Variants in GALNT13 observed in about 807,000 individuals in gnomAD.
GALNT13 encodes the protein UDP-GalNAc:polypeptide N-acetylgalactosaminyltransferase 13.
GALNT13 carries 28 observed loss-of-function variants against 64.2 expected under a neutral mutation model. That is an observed-to-expected ratio of 0.44 (90% CI 0.32 to 0.60). The LOEUF is 0.60. Ranked by LOEUF, GALNT13 falls within the 20% of genes least tolerant of loss-of-function variation. The pLI is 0.05. For synonymous variants in GALNT13, 214 were observed against 224.6 expected, an observed-to-expected ratio of 0.95 and a Z score of 0.42; for missense variants, 577 against 669.8, an observed-to-expected ratio of 0.86 and a Z score of 1.53.
the GALNT13 span, among the ~76,000 whole-genome samples, chr2:153,199,688 G>A: frequency 6.6e-6 from 1 of 152,078 alleles, no homozygotes; most frequent in South Asian, 2.1e-4. Flanking sequence ...TATAAGATAC[G>A]ATTGGAAGAT....
chr2:153,197,737 G>C, the GALNT13 span, among the ~76,000 whole-genome samples: 5 of 152,304 alleles, frequency 3.3e-5, no homozygotes, highest in Admixed American at 3.3e-4. Context: ...CTGCTTGGGA[G>C]GACAGAGTTT....
chr2:153,770,169 C>CA, the GALNT13 span, among the ~76,000 whole-genome samples: 11 of 130,270 alleles, frequency 8.4e-5, no homozygotes, highest in African/African-American at 3.1e-4. Flanking sequence ...CCCACCCCCC[C>CA]GCCCCCCCAC....
the GALNT13 span, among the ~76,000 whole-genome samples, chr2:153,130,325 C>CA: frequency 4.9e-4 from 75 of 152,258 alleles, no homozygotes; most frequent in African/African-American, 1.8e-3. Flanking sequence ...CACTCAAAGT[C>CA]AGAGTCAAGT....
chr2:153,475,660 A>T, the GALNT13 span, among the ~76,000 whole-genome samples: 1 of 152,172 alleles, frequency 6.6e-6, no homozygotes. Context: ...CTGAAACTCT[A>T]AGCATGTGCC....
chr2:153,970,938 A>G (rs115597726), intron 3 of GALNT13, among the ~76,000 whole-genome samples: 141 of 152,266 alleles, frequency 9.3e-4, no homozygotes, highest in African/African-American at 3.2e-3. Flanking sequence ...TAGCTCCCCA[A>G]TACTCAGAGT....
the GALNT13 span, among the ~76,000 whole-genome samples, chr2:153,551,992 T>C: frequency 6.6e-6 from 1 of 151,504 alleles, no homozygotes; most frequent in Non-Finnish European, 1.5e-5. Flanking sequence ...AAAGGAGAGG[T>C]TGGTATGGTA....
chr2:153,877,344 AT>A (rs1273166303), intron 1 of GALNT13, among the ~76,000 whole-genome samples: 1 of 152,138 alleles, frequency 6.6e-6, no homozygotes, highest in African/African-American at 2.4e-5. Context: ...TTAAGCTCTT[AT>A]ACAACATTTT....
At chr2:154,138,999 A>T (rs575695547) in intron 3 of GALNT13, among the ~76,000 whole-genome samples, 2 of 152,066 alleles carry the variant, frequency 1.3e-5, no homozygotes, top group Admixed American at 6.6e-5. Flanking sequence ...GAAATTGAAT[A>T]CATATTTTTT....
At chr2:154,154,621 A>T (rs1188418628) in intron 4 of GALNT13, among the ~76,000 whole-genome samples, 2 of 152,156 alleles carry the variant, frequency 1.3e-5, no homozygotes, top group African/African-American at 4.8e-5. Flanking sequence ...TGTCCAGGAC[A>T]ATGGCCTAAG....
the GALNT13 span, among the ~76,000 whole-genome samples, chr2:153,566,417 C>T: frequency 0.92 from 135,868 of 147,362 alleles, 62,675 homozygotes; most frequent in Admixed American, 0.93. Context: ...TGCAGTGGCG[C>T]GATCTCAGCT....
At chr2:153,575,774 G>T in the GALNT13 span, among the ~76,000 whole-genome samples, 5 of 152,204 alleles carry the variant, frequency 3.3e-5, no homozygotes, top group South Asian at 1.0e-3. Context: ...GCCCAGGGCA[G>T]GTCCAGAAAT....
chr2:154,151,181 T>G (rs2105621688), intron 4 of GALNT13, among the ~76,000 whole-genome samples: 1 of 152,344 alleles, frequency 6.6e-6, no homozygotes, highest in Middle Eastern at 3.4e-3. Flanking sequence ...CTTCATTTCT[T>G]TATGTATCCA....
the GALNT13 span, among the ~76,000 whole-genome samples, chr2:153,751,772 T>C: frequency 6.6e-6 from 1 of 151,946 alleles, no homozygotes. Flanking sequence ...CTTGTTTTTT[T>C]TTCATTCACT....
At chr2:154,293,278 G>T (rs1692743096) in intron 8 of GALNT13, among the ~76,000 whole-genome samples, 1 of 152,042 alleles carries the variant, frequency 6.6e-6, no homozygotes, top group Non-Finnish European at 1.5e-5. Flanking sequence ...TAATTTCAGG[G>T]AATAAAATGC....
At chr2:154,166,898 G>A (rs542589026) in intron 4 of GALNT13, among the ~76,000 whole-genome samples, 574 of 151,660 alleles carry the variant, frequency 3.8e-3, no homozygotes, top group African/African-American at 0.013. Context: ...AACACCGCAT[G>A]TTCTCACTCA....
intron 9 of GALNT13, among the ~76,000 whole-genome samples, chr2:154,392,278 C>T (rs969771633): frequency 6.6e-6 from 1 of 152,042 alleles, no homozygotes; most frequent in Admixed American, 6.6e-5. Context: ...TTCATCTCTT[C>T]AACTGACCAA....
intron 4 of GALNT13, among the ~76,000 whole-genome samples, chr2:154,217,114 C>T (rs1189193263): frequency 6.6e-6 from 1 of 151,900 alleles, no homozygotes; most frequent in Non-Finnish European, 1.5e-5. Context: ...TATTAAACTA[C>T]TCAAGTTGCT....
At chr2:153,186,434 G>A in the GALNT13 span, among the ~76,000 whole-genome samples, 2 of 151,948 alleles carry the variant, frequency 1.3e-5, no homozygotes, top group Non-Finnish European at 2.9e-5. Context: ...CTTTTAATTG[G>A]GGCATTTAGC....
At chr2:153,970,370 C>T (rs1693658290) in intron 3 of GALNT13, among the ~76,000 whole-genome samples, 1 of 152,170 alleles carries the variant, frequency 6.6e-6, no homozygotes, top group South Asian at 2.1e-4. Context: ...GAGGCTGTCA[C>T]ACCCTCCTGG....
Sources: gnomAD v4.1 joint callset for allele counts (sites outside exome capture counted in the v4.1 genomes callset) on GRCh38, gnomAD v4.1.1 for gene constraint, MANE v1.5 for transcripts, NCBI Gene and HGNC (gene_info 2026-07-23, HGNC 2026-07-21) for gene names.